The following DNAH10 variants were observed in gnomAD, a reference collection of about 807,000 sequenced individuals.
DNAH10 encodes the protein axonemal beta dynein heavy chain 10.
DNAH10 carries 348 observed loss-of-function variants against 506.6 expected under a neutral mutation model. The ratio of observed to expected loss-of-function variants is 0.69; its 90% CI spans 0.63 to 0.75. The LOEUF is 0.75. Ranked by LOEUF, DNAH10 falls within the 30% of genes least tolerant of loss-of-function variation. The pLI, the probability that DNAH10 is intolerant of heterozygous loss-of-function variation, is 0.00. For synonymous variants in DNAH10, 2,059 were observed against 2,198.6 expected, an observed-to-expected ratio of 0.94 and a Z score of 1.78; for missense variants, 5,179 against 5,787.1, an observed-to-expected ratio of 0.89 and a Z score of 3.41.
At chr12:123,789,668 A>G (rs1235213185) in intron 10 of DNAH10, among the ~76,000 whole-genome samples, 2 of 152,120 alleles carry the variant, frequency 1.3e-5, no homozygotes, top group African/African-American at 2.4e-5. Flanking sequence ...CTGCAAGTGC[A>G]AAGGTCCTGA....
In DNAH10 at chr12:123,877,398, G is replaced by A. The variant is rs1244031110; in HGVS notation, c.8200-338G>A. Among the ~76,000 whole-genome samples, 3 of 151,896 alleles carry A rather than the reference G, an allele frequency of 2.0e-5. No individual in the cohort carries two copies. In the South Asian group the frequency reaches 6.3e-4, roughly 32 times the overall value. ...GTGATCTCGGTTCACTGCAACCTCC[G>A]CCTCCTGGGTTCAGGCGATTCTCCT... On this transcript the variant is annotated intron_variant, in intron 47 of 78. Transcript: ENST00000673944.
chr12:123,866,163 C>T (rs369033112), intron 41 of DNAH10, 90 bp downstream of exon 41: 56 of 1,054,150 alleles, frequency 5.3e-5, no homozygotes, highest in East Asian at 3.7e-4. Flanking sequence ...TAGTTGAAGG[C>T]GATGACTTTG....
Position 123,916,855 on chromosome 12 carries a change from G to A in DNAH10, c.11002+119G>A. ...AGTGACCCCAGATCATTCTCTCATAGGCACATCTGGACTAGTCAGCTCTTA... is the reference window on the plus strand; with the variant it reads ...AGTGACCCCAGATCATTCTCTCATAAGCACATCTGGACTAGTCAGCTCTTA... On this transcript the variant is annotated intron_variant, in intron 63 of 78. Coordinates refer to ENST00000673944, the MANE Select transcript of DNAH10 (RefSeq NM_001372106.1). This position sits in a 1 kb window ranked among gnomAD's most constrained non-coding sequence, Gnocchi z 4.6. The A allele has an allele frequency of 1.6e-6, 2 of 1,271,194 alleles. No homozygotes were observed. Among genetic ancestry groups the A allele is most frequent in the Middle Eastern group, 2.1e-4 (1 of 4,808 alleles). The allele number at this position is 1,271,194 out of a possible 1,614,324, so 78.7% of individuals were successfully genotyped here. A position where few individuals can be genotyped will look rare whatever the true frequency, so the allele number is the denominator to read the frequency against.
rs1244505827 is a variant in DNAH10, at chr12:123,917,841, A to G, written c.11232+28A>G. 6.4e-7 allele frequency: 1 copy of G among 1,551,376 alleles called. No individual in the cohort carries two copies. Among genetic ancestry groups the G allele is most frequent in the Non-Finnish European group, 8.7e-7 (1 of 1,146,230 alleles). On this transcript the variant is annotated intron_variant, in intron 64 of 78. Transcript: ENST00000673944. The surrounding 1 kb of genome is among the most constrained non-coding windows in gnomAD (Gnocchi z 5.6). Reference sequence around the variant, plus strand: ...AGCAACCACAGTGGAAGAGGCCGTGAGTCAGGCGGGGCCTGCATGCGCCGT... The same window carrying G: ...AGCAACCACAGTGGAAGAGGCCGTGGGTCAGGCGGGGCCTGCATGCGCCGT...
At chr12:123,843,238 G>A (rs891122872) in intron 30 of DNAH10, among the ~76,000 whole-genome samples, 2 of 152,184 alleles carry the variant, frequency 1.3e-5, no homozygotes, top group Non-Finnish European at 2.9e-5. Flanking sequence ...TGAGCATGTG[G>A]TTTTATTTGA....
intron 52 of DNAH10, among the ~76,000 whole-genome samples, chr12:123,891,687 C>T (rs1451125487): frequency 6.6e-6 from 1 of 152,148 alleles, no homozygotes; most frequent in Non-Finnish European, 1.5e-5. Flanking sequence ...GAGTCTTGGG[C>T]TCCCTGCCAA....
intron 57 of DNAH10, among the ~76,000 whole-genome samples, chr12:123,908,986 G>C (rs1380914100): frequency 6.6e-6 from 1 of 152,206 alleles, no homozygotes; most frequent in Admixed American, 6.5e-5. Context: ...CACTGATCCA[G>C]ACGCTCCGGG....
rs201698348 is a variant in DNAH10 at position 123,935,352 on chromosome 12, C to A, written c.13641C>A (p.Pro4547=). The change falls in exon 79 of 79, where the codon CCC becomes CCA. Residue 4547 remains proline (P), a synonymous_variant. Transcript: ENST00000673944. The part of the protein sequence containing the change: ...RLKLQNTFRT[P]VYTTSMRRNA... The stretch of plus-strand genomic sequence containing the variant: ...CCTTGCAGAATACTTTCCGGACCCC[C>A]GTCTACACCACCTCCATGAGAAGGA... 14 of 1,605,256 alleles carry A rather than the reference C, an allele frequency of 8.7e-6. No homozygotes were observed. The highest frequency in any genetic ancestry group is 1.2e-5 in the Non-Finnish European group (14 of 1,172,856).
rs1380056784 is a variant in DNAH10, at chr12:123,902,833, C to G, written c.9641-106C>G. The stretch of plus-strand genomic sequence containing the variant: ...TTGGCCAGAGCCCCTTAGATCCCCG[C>G]TAGGGCTCAAGCCAACCTTTGAGGA... On this transcript the variant is annotated intron_variant, in intron 56 of 78. Coordinates refer to ENST00000673944, the MANE Select transcript of DNAH10 (RefSeq NM_001372106.1). This position sits in a 1 kb window ranked among gnomAD's most constrained non-coding sequence, Gnocchi z 4.5. The G allele has an allele frequency of 4.3e-6, 6 of 1,394,316 alleles. No homozygotes were observed. Among genetic ancestry groups the G allele is most frequent in the Non-Finnish European group, 5.7e-6 (6 of 1,048,582 alleles). The allele number at this position is 1,394,316 out of a possible 1,614,324, so 86.4% of individuals were successfully genotyped here. A position where few individuals can be genotyped will look rare whatever the true frequency, so the allele number is the denominator to read the frequency against.
chr12:123,844,082 T>TA (rs2087999674), intron 30 of DNAH10, among the ~76,000 whole-genome samples: 1 of 152,104 alleles, frequency 6.6e-6, no homozygotes, highest in Non-Finnish European at 1.5e-5. Flanking sequence ...TCAGGAAACT[T>TA]ACAGTCATGG....
intron 53 of DNAH10, among the ~76,000 whole-genome samples, chr12:123,893,908 G>A (rs1229280543): frequency 6.6e-6 from 1 of 152,104 alleles, no homozygotes; most frequent in Non-Finnish European, 1.5e-5. Flanking sequence ...ATCCTACAGT[G>A]CACAGCCAGC....
At chr12:123,842,982 A>G (rs1009779904) in intron 30 of DNAH10, among the ~76,000 whole-genome samples, 4 of 152,250 alleles carry the variant, frequency 2.6e-5, no homozygotes, top group African/African-American at 9.6e-5. Flanking sequence ...TTCTGTATGT[A>G]TTAATCACTG....
At chr12:123,881,903 A>T in intron 51 of DNAH10, 90 bp downstream of exon 51, 2 of 1,208,580 alleles carry the variant, frequency 1.7e-6, no homozygotes, top group South Asian at 2.5e-5. Flanking sequence ...TCCACAGCAG[A>T]TCATAGCATG....
intron 47 of DNAH10, among the ~76,000 whole-genome samples, chr12:123,877,285 T>C (rs564003727): frequency 1.0e-3 from 152 of 152,240 alleles, no homozygotes; most frequent in African/African-American, 3.5e-3. Flanking sequence ...GTGCTGGAGC[T>C]TGTGTCTGTC....
At chr12:123,829,956 G>A (rs892732477) in intron 25 of DNAH10, among the ~76,000 whole-genome samples, 3 of 152,146 alleles carry the variant, frequency 2.0e-5, no homozygotes, top group Non-Finnish European at 2.9e-5. Flanking sequence ...CGACTGTCCC[G>A]TCTGAATGGG....
At chr12:123,781,030 A>G in intron 5 of DNAH10, 50 bp from the exon 6 acceptor site, 1 of 1,440,396 alleles carries the variant, frequency 6.9e-7, no homozygotes, top group South Asian at 1.3e-5. Flanking sequence ...GAATACATGA[A>G]TTATTGAAAA....
At chr12:123,835,921 G>C (rs1961088773) in intron 28 of DNAH10, among the ~76,000 whole-genome samples, 1 of 152,174 alleles carries the variant, frequency 6.6e-6, no homozygotes, top group Non-Finnish European at 1.5e-5. Flanking sequence ...CACCTTGCCT[G>C]GCCCACTAGT....
Position 123,916,780 on chromosome 12 carries a change from A to C in DNAH10, c.11002+44A>C. On this transcript the variant is annotated intron_variant, in intron 63 of 78. Coordinates refer to ENST00000673944, the MANE Select transcript of DNAH10 (RefSeq NM_001372106.1). The surrounding 1 kb of genome is among the most constrained non-coding windows in gnomAD (Gnocchi z 4.6). ...TCCACTGCTAATTCAGATGGTTATGAGGGAGACCGCAACCTCAGATCAAGG... is the reference window on the plus strand; with the variant it reads ...TCCACTGCTAATTCAGATGGTTATGCGGGAGACCGCAACCTCAGATCAAGG... The C allele has an allele frequency of 1.3e-6, 2 of 1,555,862 alleles. No homozygotes were observed. Among genetic ancestry groups the C allele is most frequent in the Non-Finnish European group, 1.7e-6 (2 of 1,154,948 alleles).
intron 64 of DNAH10, among the ~76,000 whole-genome samples, chr12:123,918,229 T>C (rs1449594702): frequency 6.6e-6 from 1 of 152,200 alleles, no homozygotes; most frequent in Admixed American, 6.5e-5. Flanking sequence ...ATAAGACTGG[T>C]CTGGCCTCAC....
Sources: allele counts gnomAD v4.1 joint callset (sites outside exome capture counted in the v4.1 genomes callset), GRCh38; gene constraint gnomAD v4.1.1; non-coding constraint Gnocchi (gnomAD v3.1); transcripts MANE v1.5; gene names NCBI Gene and HGNC (gene_info 2026-07-23, HGNC 2026-07-21).